KCNH7: variants seen among roughly 807,000 people sequenced by gnomAD.
KCNH7 encodes the protein potassium voltage-gated channel subfamily H member 7.
KCNH7 carries 49 observed loss-of-function variants against 120.8 expected under a neutral mutation model. That is an observed-to-expected ratio of 0.41 (90% CI 0.32 to 0.51). KCNH7 has a LOEUF of 0.51. Ranked by LOEUF, KCNH7 falls within the 20% of genes least tolerant of loss-of-function variation. The pLI is 0.38. For synonymous variants in KCNH7, 547 were observed against 516.1 expected (o/e 1.06, Z -0.81); for missense variants, 1,097 against 1,446.6 (o/e 0.76, Z 3.92).
Position 162,394,391 on chromosome 2 carries a change from T to G in KCNH7, c.2708A>C (p.Lys903Thr). Residue 903 changes from lysine to threonine, a missense_variant and splice_region_variant, in exon 12 of 16, where the codon AAA becomes ACA. Lys to Thr is a moderately conservative substitution (Grantham distance 78). Transcript: ENST00000332142. The stretch of plus-strand genomic sequence containing the variant: ...ACTTTAGGAATGGAATGAATTACCT[T>G]TCTCTCCTTCACTTTCAAATGACAA... ...RKLSFESEGE[K>T]ENSTNDPEDS... is the part of the protein sequence containing the mutation. 6.6e-7 allele frequency: 1 copy of G among 1,523,840 alleles called. No homozygotes were observed. The highest frequency in any genetic ancestry group is 9.1e-7 in the Non-Finnish European group (1 of 1,098,944). 94.4% of individuals were successfully genotyped at this position (1,523,840 alleles called of 1,614,324 possible).
At chr2:162,596,966 C>T (rs1211857530) in intron 2 of KCNH7, among the ~76,000 whole-genome samples, 1 of 152,066 alleles carries the variant, frequency 6.6e-6, no homozygotes, top group Non-Finnish European at 1.5e-5. Flanking sequence ...CTTAACACTA[C>T]TATCAGGGAA....
intron 9 of KCNH7, among the ~76,000 whole-genome samples, chr2:162,422,558 T>C (rs1024547374): frequency 3.9e-5 from 6 of 152,148 alleles, no homozygotes; most frequent in African/African-American, 1.4e-4. Flanking sequence ...AATCAGCCTT[T>C]AGAGCCAAAT....
intron 2 of KCNH7, among the ~76,000 whole-genome samples, chr2:162,586,875 C>T (rs1694037617): frequency 1.3e-5 from 2 of 151,802 alleles, no homozygotes; most frequent in African/African-American, 2.4e-5. Context: ...TAAAGTTAGC[C>T]ATACTATACC....
At chr2:162,421,863 C>T (rs1244242398) in intron 9 of KCNH7, among the ~76,000 whole-genome samples, 1 of 152,054 alleles carries the variant, frequency 6.6e-6, no homozygotes, top group Non-Finnish European at 1.5e-5. Context: ...TTGAAATAAT[C>T]TGGCAGTATG....
At chr2:162,748,436 C>A (rs1341670333) in intron 2 of KCNH7, among the ~76,000 whole-genome samples, 4 of 152,084 alleles carry the variant, frequency 2.6e-5, no homozygotes, top group Non-Finnish European at 5.9e-5. Context: ...TTTTCAGTGC[C>A]TAGTCAAGCT....
intron 3 of KCNH7, among the ~76,000 whole-genome samples, chr2:162,523,968 C>G (rs993217543): frequency 6.6e-6 from 1 of 151,798 alleles, no homozygotes; most frequent in African/African-American, 2.4e-5. Context: ...GCAAATTAGA[C>G]ACCATGATGA....
At chr2:162,825,891 T>C (rs999293288) in intron 2 of KCNH7, among the ~76,000 whole-genome samples, 2 of 152,114 alleles carry the variant, frequency 1.3e-5, no homozygotes, top group African/African-American at 4.8e-5. Context: ...GTAGAAAAAT[T>C]ATAGCTGCAC....
At chr2:162,649,549 G>A (rs939964977) in intron 2 of KCNH7, among the ~76,000 whole-genome samples, 10 of 152,096 alleles carry the variant, frequency 6.6e-5, no homozygotes, top group Non-Finnish European at 1.2e-4. Flanking sequence ...CTTGTTCTGT[G>A]TGCTGACTCT....
chr2:162,483,742 G>T (rs1690004586), intron 6 of KCNH7, among the ~76,000 whole-genome samples: 2 of 151,988 alleles, frequency 1.3e-5, no homozygotes, highest in South Asian at 4.2e-4. Flanking sequence ...TCTTGAGTCA[G>T]GTAGTAAAAT....
At chr2:162,693,366 A>G (rs888405049) in intron 2 of KCNH7, among the ~76,000 whole-genome samples, 3 of 152,226 alleles carry the variant, frequency 2.0e-5, no homozygotes, top group Admixed American at 1.3e-4. Context: ...TAAATTTTCA[A>G]GATGGGTGTG....
chr2:162,561,269 C>CTGT (rs1370583277), intron 2 of KCNH7, among the ~76,000 whole-genome samples: 1 of 151,900 alleles, frequency 6.6e-6, no homozygotes, highest in Non-Finnish European at 1.5e-5. Flanking sequence ...TTTGCTGTGG[C>CTGT]TGTTGCTTTT....
intron 14 of KCNH7, among the ~76,000 whole-genome samples, chr2:162,378,716 G>A (rs1686302076): frequency 6.6e-6 from 1 of 152,176 alleles, no homozygotes; most frequent in East Asian, 1.9e-4. Context: ...CCAAAATGTG[G>A]TCACCCATTG....
At chr2:162,711,184 C>T (rs1686917098) in intron 2 of KCNH7, among the ~76,000 whole-genome samples, 1 of 152,190 alleles carries the variant, frequency 6.6e-6, no homozygotes, top group African/African-American at 2.4e-5. Context: ...TAGTCTTGCC[C>T]CTGTTTTATT....
intron 6 of KCNH7, among the ~76,000 whole-genome samples, chr2:162,490,275 T>C (rs1170874516): frequency 4.6e-5 from 7 of 152,234 alleles, no homozygotes; most frequent in Admixed American, 4.6e-4. Context: ...TAGTGCCTTA[T>C]GCAAACAGGG....
At chr2:162,680,613 A>G (rs1304789060) in intron 2 of KCNH7, among the ~76,000 whole-genome samples, 2 of 151,704 alleles carry the variant, frequency 1.3e-5, no homozygotes, top group Non-Finnish European at 3.0e-5. Flanking sequence ...CTCTCCTGGA[A>G]CTTATAATCT....
At chr2:162,570,736 T>C (rs1040872539) in intron 2 of KCNH7, among the ~76,000 whole-genome samples, 1 of 151,974 alleles carries the variant, frequency 6.6e-6, no homozygotes, top group African/African-American at 2.4e-5. Context: ...CAAGGCTGGT[T>C]CAATATATGC....
At chr2:162,828,009 C>T (rs1165175075) in intron 2 of KCNH7, among the ~76,000 whole-genome samples, 2 of 152,034 alleles carry the variant, frequency 1.3e-5, no homozygotes, top group Non-Finnish European at 2.9e-5. Flanking sequence ...ACATCTGTTG[C>T]ATGTAAACCC....
intron 6 of KCNH7, among the ~76,000 whole-genome samples, chr2:162,450,583 T>C (rs1688734765): frequency 6.6e-6 from 1 of 152,092 alleles, no homozygotes; most frequent in Admixed American, 6.6e-5. Context: ...TGTTATTAGG[T>C]AATCATCTTA....
At chr2:162,400,015 T>A (rs919132630) in intron 10 of KCNH7, among the ~76,000 whole-genome samples, 174 bp downstream of exon 10, 2 of 151,934 alleles carry the variant, frequency 1.3e-5, no homozygotes, top group Admixed American at 1.3e-4. Flanking sequence ...AGAAAACATA[T>A]TTTCTGAAAG....
Sources: gnomAD v4.1 joint callset for allele counts (sites outside exome capture counted in the v4.1 genomes callset) on GRCh38, gnomAD v4.1.1 for gene constraint, MANE v1.5 for transcripts, NCBI Gene and HGNC (gene_info 2026-07-23, HGNC 2026-07-21) for gene names.